CD5L: variants seen among roughly 807,000 people sequenced by gnomAD.
CD5L encodes CD5 molecule like.
Under a neutral mutation model 40.8 loss-of-function variants are expected in CD5L, and 39 were observed. That is an observed-to-expected ratio of 0.96 (90% confidence interval 0.74 to 1.25). The LOEUF (loss-of-function observed/expected upper bound fraction) is 1.25, where lower values mean the gene tolerates loss of function less well. CD5L is among the 50% of genes most tolerant of loss of function. CD5L has a pLI of 0.00. For missense variants in CD5L, 433 were observed against 435.9 expected, an observed-to-expected ratio of 0.99 and a Z score of 0.06; for synonymous variants, 192 against 169.6, an observed-to-expected ratio of 1.13 and a Z score of -1.03.
At chr1:157,827,430 G>A (rs1655930991), downstream of CD5L, among the ~76,000 whole-genome samples, 1 of 152,132 alleles carries the variant, frequency 6.6e-6, no homozygotes, top group African/African-American at 2.4e-5. Context: ...GATGGCCTGA[G>A]AACTAGACCT....
intron 2 of CD5L, among the ~76,000 whole-genome samples, chr1:157,836,953 T>C (rs770491221): frequency 6.6e-6 from 1 of 152,114 alleles, no homozygotes; most frequent in Non-Finnish European, 1.5e-5. Flanking sequence ...ACTAGAACTC[T>C]GGAAGTACAA....
intron 2 of CD5L, among the ~76,000 whole-genome samples, chr1:157,837,822 C>T (rs1557942294): frequency 7.1e-6 from 1 of 141,654 alleles, no homozygotes; most frequent in Non-Finnish European, 1.5e-5. Flanking sequence ...GTCGCCCAGG[C>T]TGGAGTGCAG....
At position 157,833,441 on chromosome 1, in the gene CD5L, C is replaced by T. The variant is rs146902396; in HGVS notation, c.790G>A (p.Val264Ile). The stretch of plus-strand genomic sequence containing the variant: ...TTGTCATCACAGACAGAGCCCCATA[C>T]GCCCTTGTGCAGCACCTCCAGTCGC... ...SGRLEVLHKG[V>I]WGSVCDDNWG... The change falls in exon 5 of 6, where the codon GTA (valine) becomes ATA (isoleucine). Residue 264 changes from valine to isoleucine, a missense_variant. By Grantham distance (29) the Val-to-Ile change is conservative. Coordinates refer to ENST00000368174, the MANE Select transcript of CD5L (RefSeq NM_005894.3). 238 of 1,614,054 alleles carry T rather than the reference C, an allele frequency of 1.5e-4. No individual in the cohort carries two copies. Among genetic ancestry groups the T allele is most frequent in the Non-Finnish European group, 1.9e-4 (219 of 1,180,044 alleles).
downstream of CD5L, among the ~76,000 whole-genome samples, chr1:157,829,254 A>AAG (rs1424572242): frequency 1.3e-5 from 2 of 152,262 alleles, no homozygotes; most frequent in Non-Finnish European, 2.9e-5. Context: ...GAAGCTCTCA[A>AAG]AGACCCTTTG....
At chr1:157,840,600 T>C (rs1656343868) in intron 1 of CD5L, among the ~76,000 whole-genome samples, 1 of 152,210 alleles carries the variant, frequency 6.6e-6, no homozygotes, top group Non-Finnish European at 1.5e-5. Context: ...AACTCAAGGT[T>C]ATATTATACA....
At chr1:157,834,080 C>G (rs1345416462) in intron 4 of CD5L, among the ~76,000 whole-genome samples, 1 of 152,076 alleles carries the variant, frequency 6.6e-6, no homozygotes, top group East Asian at 1.9e-4. Flanking sequence ...TTTTATAAAT[C>G]TAATATTTAT....
chr1:157,837,432 T>C (rs1317773406), intron 2 of CD5L, among the ~76,000 whole-genome samples: 1 of 152,158 alleles, frequency 6.6e-6, no homozygotes, highest in Non-Finnish European at 1.5e-5. Flanking sequence ...AAGCTTATAT[T>C]AAGCTTGGCA....
At position 157,841,784 on chromosome 1, in the gene CD5L, G is replaced by A. The variant is rs963062487; in HGVS notation, c.-83C>T. On this transcript the variant is annotated 5_prime_UTR_variant, in exon 1 of 6. Transcript: ENST00000368174. ...CAGCAATATTTAGTTTTAGCTGCAA[G>A]TATGTTAAGAGGAGGGACAAAGACA... The A allele has an allele frequency of 1.2e-5, 14 of 1,210,084 alleles. No individual in the cohort carries two copies. The African/African-American group carries it at 1.5e-4, about 13-fold the overall frequency. The allele number at this position is 1,210,084 out of a possible 1,614,324, so 75.0% of individuals were successfully genotyped here.
downstream of CD5L, among the ~76,000 whole-genome samples, chr1:157,827,312 G>GTGTT (rs1491066327): frequency 2.9e-5 from 4 of 139,810 alleles, no homozygotes; most frequent in African/African-American, 5.3e-5. Context: ...GTGTGTGTGT[G>GTGTT]TTATAATGTA....
intron 2 of CD5L, 48 bp downstream of exon 2, chr1:157,839,336 C>G: frequency 1.3e-6 from 2 of 1,596,946 alleles, no homozygotes; most frequent in Middle Eastern, 1.7e-4. Flanking sequence ...AAAATTTTCC[C>G]TCTCCTAAGC....
rs749743644 is a variant in CD5L, at chr1:157,831,387, T to C, written c.*577A>G. ...TCCTGAAAGAATTGTCTACCTACAC[T>C]AAGAAATAACAGAATAGGGAGGTGT... On this transcript the variant is annotated 3_prime_UTR_variant, in exon 6 of 6. Coordinates refer to ENST00000368174, the MANE Select transcript of CD5L (RefSeq NM_005894.3). The C allele has an allele frequency of 3.5e-5, 34 of 984,190 alleles. No individual in the cohort carries two copies. Among genetic ancestry groups the C allele is most frequent in the Non-Finnish European group, 4.1e-5 (34 of 829,766 alleles). The allele number at this position is 984,190 out of a possible 1,614,324, so 61.0% of individuals were successfully genotyped here.
intron 1 of CD5L, among the ~76,000 whole-genome samples, chr1:157,840,123 T>C (rs191772242): frequency 4.1e-4 from 63 of 152,348 alleles, no homozygotes; most frequent in Admixed American, 2.0e-4. Flanking sequence ...CATTTAAAAA[T>C]ACAAACCTCA....
At chr1:157,834,876 G>A in intron 3 of CD5L, 128 bp from the exon 4 acceptor site, 1 of 601,198 alleles carries the variant, frequency 1.7e-6, no homozygotes, top group Non-Finnish European at 2.9e-6. Context: ...GCTTAACACT[G>A]CCTCATAGAT....
chr1:157,834,623 T>G lies in CD5L; in HGVS notation c.502A>C (p.Ser168Arg). 6.2e-7 allele frequency: 1 copy of G among 1,614,138 alleles called. No individual in the cohort carries two copies. The highest frequency in any genetic ancestry group is 8.5e-7 in the Non-Finnish European group (1 of 1,180,030). The change falls in exon 4 of 6, where the codon AGC becomes CGC. Residue 168 changes from serine (S) to arginine (R), a missense_variant. Coordinates refer to ENST00000368174, the MANE Select transcript of CD5L (RefSeq NM_005894.3). ...QWYTVCQTGW[S>R]LRAAKVVCRQ... is the part of the protein sequence containing the mutation. ...CACACCACCTTTGCGGCCCGGAGGCTCCAGCCTGTCTGGCACACGGTATAC... is the reference window on the plus strand; with the variant it reads ...CACACCACCTTTGCGGCCCGGAGGCGCCAGCCTGTCTGGCACACGGTATAC...
rs1557942955 is a variant in CD5L at position 157,839,396 on chromosome 1, G to T, written c.43C>A (p.Pro15Thr). 1 of 1,613,572 alleles carries T rather than the reference G, an allele frequency of 6.2e-7. No homozygotes were observed. The highest frequency in any genetic ancestry group is 8.5e-7 in the Non-Finnish European group (1 of 1,179,826). The change falls in exon 2 of 6, where the codon CCT becomes ACT. Residue 15 changes from proline (P) to threonine (T), a missense_variant. By Grantham distance (38) the Pro-to-Thr change is conservative. Transcript: ENST00000368174. ...CCAAAAATCTTACCTAGGAATCCAG[G>T]TCTGGTGCAAATGGCTGGGGAAGAA... ...FSLILAICTR[P>T]GFLASPSGVR...
chr1:157,830,762 A>G (rs979975418), downstream of CD5L, among the ~76,000 whole-genome samples: 1 of 152,116 alleles, frequency 6.6e-6, no homozygotes, highest in Non-Finnish European at 1.5e-5. Context: ...AGACTGGGAG[A>G]CAGTTGCACA....
Position 157,833,291 on chromosome 1 carries a change from G to C in CD5L, c.940C>G (p.Arg314Gly). ...GVGRIWLDNV[R>G]CSGEEQSLEQ... ...AGGGACTGCTCCTCCCCTGAGCAAC[G>C]AACATTATCCAGCCAGATGCGGCCA... The change falls in exon 5 of 6, where the codon CGT becomes GGT. Residue 314 changes from arginine (R) to glycine (G), a missense_variant. Coordinates refer to ENST00000368174, the MANE Select transcript of CD5L (RefSeq NM_005894.3). 1 of 1,614,132 alleles carries C rather than the reference G, an allele frequency of 6.2e-7. No individual in the cohort carries two copies. The highest frequency in any genetic ancestry group is 8.5e-7 in the Non-Finnish European group (1 of 1,180,022).
At chr1:157,833,773 T>C (rs2101936893) in intron 4 of CD5L, among the ~76,000 whole-genome samples, 1 of 149,136 alleles carries the variant, frequency 6.7e-6, no homozygotes, top group Non-Finnish European at 1.5e-5. Context: ...GCTCAGCTTT[T>C]TTTTTTTTTT....
Position 157,834,819 on chromosome 1 carries a change from G to A in CD5L, c.377-71C>T. 10 of 1,199,934 alleles carry A rather than the reference G, an allele frequency of 8.3e-6. No individual in the cohort carries two copies. The South Asian group carries it at 1.4e-4, about 16-fold the overall frequency. The allele number at this position is 1,199,934 out of a possible 1,614,324, so 74.3% of individuals were successfully genotyped here. On this transcript the variant is annotated intron_variant, in intron 3 of 5. Coordinates refer to ENST00000368174, the MANE Select transcript of CD5L (RefSeq NM_005894.3). ...GTCTTCTCAGTAAAGGCGGCCCAAT[G>A]GACACATCTCACAGTTCTTGGTGTT...
Sources: gnomAD v4.1 joint callset for allele counts (sites outside exome capture counted in the v4.1 genomes callset) on GRCh38, gnomAD v4.1.1 for gene constraint, MANE v1.5 for transcripts, NCBI Gene and HGNC (gene_info 2026-07-23, HGNC 2026-07-21) for gene names.